GPC6: variants seen among roughly 807,000 people sequenced by gnomAD.
GPC6 encodes the protein glypican-6.
Under a neutral mutation model 55.2 loss-of-function variants are expected in GPC6, and 14 were observed. The observed-to-expected ratio is 0.25, with a 90% CI of 0.17 to 0.40. The LOEUF (loss-of-function observed/expected upper bound fraction) is 0.40, where lower values mean the gene tolerates loss of function less well. Ranked by LOEUF, GPC6 falls within the 10% of genes least tolerant of loss-of-function variation. GPC6 has a pLI of 1.00. For synonymous variants in GPC6, 278 were observed against 259.6 expected, an observed-to-expected ratio of 1.07 and a Z score of -0.68; for missense variants, 641 against 708.5, an observed-to-expected ratio of 0.90 and a Z score of 1.08.
intron 3 of GPC6, among the ~76,000 whole-genome samples, chr13:93,969,635 TATAAA>T (rs1880196299): frequency 6.6e-6 from 1 of 152,162 alleles, no homozygotes; most frequent in Admixed American, 6.6e-5. Flanking sequence ...AAGATATACA[TATAAA>T]ATATACTATC....
chr13:93,971,881 C>G (rs1181564287), intron 3 of GPC6, among the ~76,000 whole-genome samples: 1 of 152,196 alleles, frequency 6.6e-6, no homozygotes, highest in Non-Finnish European at 1.5e-5. Flanking sequence ...CCCCAAATTT[C>G]TTATCTTTGA....
chr13:93,990,365 T>A (rs1881241193), intron 3 of GPC6, among the ~76,000 whole-genome samples: 2 of 152,120 alleles, frequency 1.3e-5, no homozygotes, highest in Admixed American at 1.3e-4. Flanking sequence ...GATGAAACAC[T>A]GTGACTTTCA....
chr13:94,271,596 A>G (rs540847098), intron 4 of GPC6, among the ~76,000 whole-genome samples: 1 of 152,326 alleles, frequency 6.6e-6, no homozygotes, highest in Admixed American at 6.5e-5. Flanking sequence ...TAAAGAGGAT[A>G]ATAGTAGTTC....
rs553403473 is a variant in GPC6, at chr13:93,925,545, T to TTAAA, written c.711+95002_711+95005dup. The stretch of plus-strand genomic sequence containing the variant: ...AGCAGAATAGATTCCACATTGTGCC[T>TTAAA]TAAATTGTAGCATAAGTCCACATTT... On this transcript the variant is annotated intron_variant, in intron 3 of 8. Coordinates refer to ENST00000377047, the MANE Select transcript of GPC6 (RefSeq NM_005708.5). 3.3e-5 allele frequency among the ~76,000 whole-genome samples: 5 copies of TTAAA among 152,298 alleles called. No homozygotes were observed. In the East Asian group the frequency reaches 7.7e-4, roughly 24 times the overall value.
At chr13:93,709,143 A>T (rs1882958518) in intron 2 of GPC6, among the ~76,000 whole-genome samples, 1 of 151,872 alleles carries the variant, frequency 6.6e-6, no homozygotes, top group Non-Finnish European at 1.5e-5. Context: ...ATATTACTAA[A>T]GCAAGTGCTT....
At chr13:93,614,780 C>A (rs185329853) in intron 2 of GPC6, among the ~76,000 whole-genome samples, 144 of 152,238 alleles carry the variant, frequency 9.5e-4, no homozygotes, top group Non-Finnish European at 1.3e-3. Flanking sequence ...ATACACCATT[C>A]AAGCATAACA....
At chr13:93,854,091 A>G (rs1410497946) in intron 3 of GPC6, among the ~76,000 whole-genome samples, 1 of 151,694 alleles carries the variant, frequency 6.6e-6, no homozygotes, top group East Asian at 1.9e-4. Context: ...AACACCCTCT[A>G]TGCAAAGGTT....
intron 4 of GPC6, among the ~76,000 whole-genome samples, chr13:94,271,692 C>G (rs1432255105): frequency 6.6e-6 from 1 of 152,156 alleles, no homozygotes; most frequent in Non-Finnish European, 1.5e-5. Flanking sequence ...GAAAATACTA[C>G]ATGACAAAAG....
At chr13:93,946,811 C>T (rs1162972040) in intron 3 of GPC6, among the ~76,000 whole-genome samples, 1 of 152,134 alleles carries the variant, frequency 6.6e-6, no homozygotes, top group Non-Finnish European at 1.5e-5. Context: ...GTGTATTTTC[C>T]TTACTTTTTT....
chr13:94,153,524 G>T (rs1215282399), intron 4 of GPC6, among the ~76,000 whole-genome samples: 1 of 152,112 alleles, frequency 6.6e-6, no homozygotes, highest in Non-Finnish European at 1.5e-5. Flanking sequence ...GCAAAGAAAG[G>T]TCATTTTTCC....
chr13:93,318,830 A>G (rs1879332043), intron 1 of GPC6, among the ~76,000 whole-genome samples: 1 of 152,152 alleles, frequency 6.6e-6, no homozygotes, highest in Admixed American at 6.6e-5. Flanking sequence ...GGTATGTTAT[A>G]GCTTTGCTAT....
At chr13:93,725,649 C>T (rs1457926917) in intron 2 of GPC6, among the ~76,000 whole-genome samples, 1 of 151,930 alleles carries the variant, frequency 6.6e-6, no homozygotes, top group African/African-American at 2.4e-5. Context: ...TGTGCATTAC[C>T]AATAATCATC....
At chr13:94,346,875 A>G (rs1878318340) in intron 6 of GPC6, among the ~76,000 whole-genome samples, 1 of 152,144 alleles carries the variant, frequency 6.6e-6, no homozygotes, top group African/African-American at 2.4e-5. Context: ...CCTGGCAAGT[A>G]AGAAGTAAAG....
chr13:93,440,843 C>G (rs563579556), intron 1 of GPC6, among the ~76,000 whole-genome samples: 2 of 152,010 alleles, frequency 1.3e-5, no homozygotes, highest in Admixed American at 6.6e-5. Flanking sequence ...ATCCCTCCCC[C>G]CTGCCCCCAC....
intron 5 of GPC6, among the ~76,000 whole-genome samples, chr13:94,288,755 TATAATAAA>T (rs1874691677): frequency 3.0e-5 from 4 of 131,876 alleles, no homozygotes; most frequent in Non-Finnish European, 3.1e-5. Flanking sequence ...ATATAATATA[TATAATAAA>T]TATATATATA....
rs113435815 is a variant in GPC6, at chr13:93,375,413, A to G, written c.160+147797A>G. On this transcript the variant is annotated intron_variant, in intron 1 of 8. Transcript: ENST00000377047. Reference sequence around the variant, plus strand: ...CTTTTAACCTCAGCTTTACTTCACTATCAGACGGCGTGGAGTGGCTAAATG... The same window carrying G: ...CTTTTAACCTCAGCTTTACTTCACTGTCAGACGGCGTGGAGTGGCTAAATG... Among the ~76,000 whole-genome samples, 1,109 of 152,258 alleles carry G rather than the reference A, an allele frequency of 7.3e-3. 15 individuals carry two copies. The highest frequency in any genetic ancestry group is 0.025 in the African/African-American group (1,056 of 41,550).
chr13:94,227,692 C>T (rs1044002782), intron 4 of GPC6, among the ~76,000 whole-genome samples: 16 of 152,154 alleles, frequency 1.1e-4, no homozygotes, highest in Admixed American at 3.3e-4. Flanking sequence ...CAAACAACCC[C>T]GAGATCTTGG....
chr13:94,221,527 G>A (rs1890383511), intron 4 of GPC6, among the ~76,000 whole-genome samples: 1 of 151,988 alleles, frequency 6.6e-6, no homozygotes. Context: ...TGAGATTAAG[G>A]GTTAGCGCAC....
Position 94,001,330 on chromosome 13 carries a change from C to T in GPC6, c.712-26399C>T, listed in dbSNP as rs557102740. 5.9e-5 allele frequency among the ~76,000 whole-genome samples: 9 copies of T among 152,188 alleles called. No individual in the cohort carries two copies. In the South Asian group the frequency reaches 1.9e-3, roughly 32 times the overall value. On this transcript the variant is annotated intron_variant, in intron 3 of 8. Transcript: ENST00000377047. ...ATCTTTAATTCAGTATCTTACATGTCATTATGTTAGTTAAAACAAGAAAAT... is the reference window on the plus strand; with the variant it reads ...ATCTTTAATTCAGTATCTTACATGTTATTATGTTAGTTAAAACAAGAAAAT...
Sources: allele counts gnomAD v4.1 joint callset (sites outside exome capture counted in the v4.1 genomes callset), GRCh38; gene constraint gnomAD v4.1.1; transcripts MANE v1.5; gene names NCBI Gene and HGNC (gene_info 2026-07-23, HGNC 2026-07-21).